RAD54L2: variants seen among roughly 807,000 people sequenced by gnomAD.
RAD54L2 encodes the protein helicase ARIP4.
Under a neutral mutation model 138.4 loss-of-function variants are expected in RAD54L2, and 27 were observed. The ratio of observed to expected loss-of-function variants is 0.20; its 90% CI spans 0.14 to 0.27. The LOEUF is 0.27. Ranked by LOEUF, RAD54L2 falls within the 10% of genes least tolerant of loss-of-function variation. The probability of loss-of-function intolerance (pLI) is 1.00; values close to 1 mark genes in which losing one functional copy is unlikely to be tolerated. For missense variants in RAD54L2, 1,396 were observed against 1,890.2 expected (o/e 0.74, Z 4.85); for synonymous variants, 644 against 723.2 (o/e 0.89, Z 1.76).
chr3:51,619,421 A>G (rs765412328), intron 3 of RAD54L2, among the ~76,000 whole-genome samples: 60 of 151,972 alleles, frequency 3.9e-4, no homozygotes, highest in Non-Finnish European at 5.1e-4. Flanking sequence ...TCTGGATTCA[A>G]TCTCTGTTTT....
At chr3:51,606,538 CTG>C (rs1431635944) in intron 3 of RAD54L2, among the ~76,000 whole-genome samples, 3 of 152,110 alleles carry the variant, frequency 2.0e-5, no homozygotes, top group African/African-American at 4.8e-5. Context: ...AGACTTTGTA[CTG>C]TGTTTTAGCA....
intron 2 of RAD54L2, among the ~76,000 whole-genome samples, chr3:51,557,422 A>G (rs938684330): frequency 5.3e-5 from 8 of 151,658 alleles, no homozygotes; most frequent in East Asian, 1.9e-4. Context: ...GGCTCAAGCT[A>G]TCCTCCTGCC....
At chr3:51,630,517 T>A (rs2106796681) in intron 6 of RAD54L2, 129 bp downstream of exon 6, 1 of 1,007,006 alleles carries the variant, frequency 9.9e-7, no homozygotes, top group African/African-American at 1.6e-5. Flanking sequence ...TCCCTGTGTC[T>A]CCTTGGTAAA....
At chr3:51,602,032 A>G (rs1700093320) in intron 3 of RAD54L2, among the ~76,000 whole-genome samples, 1 of 151,822 alleles carries the variant, frequency 6.6e-6, no homozygotes, top group African/African-American at 2.4e-5. Flanking sequence ...CGGTTTCACC[A>G]TGTTGGCCAG....
chr3:51,624,227 G>T, intron 3 of RAD54L2, among the ~76,000 whole-genome samples: 1 of 147,562 alleles, frequency 6.8e-6, no homozygotes, highest in African/African-American at 2.5e-5. Context: ...TTTCTGGTGT[G>T]TGTGGTTTTT....
Position 51,639,504 on chromosome 3 carries a change from G to A in RAD54L2, c.1946G>A (p.Gly649Asp), listed in dbSNP as rs1701071594. Residue 649 changes from glycine to aspartate, a missense_variant, in exon 13 of 23, where the codon GGC (glycine) becomes GAC (aspartate). By Grantham distance (94) the Gly-to-Asp change is moderately conservative. This residue lies in a region of RAD54L2 where 211 missense variants were observed against 273.8 expected (regional missense o/e 0.77). Coordinates refer to ENST00000684192, the MANE Select transcript of RAD54L2 (RefSeq NM_015106.4). ...CAGGACCTAGACGTGGAAGAACTTGGCTCTGCAGGGACCAGTGCCCGCTGT... is the reference window on the plus strand; with the variant it reads ...CAGGACCTAGACGTGGAAGAACTTGACTCTGCAGGGACCAGTGCCCGCTGT... Reference protein sequence around the residue: ...NEQDLDVEELGSAGTSARCPP... With the variant: ...NEQDLDVEELDSAGTSARCPP... The A allele has an allele frequency of 1.9e-6, 3 of 1,613,990 alleles. No homozygotes were observed. The highest frequency in any genetic ancestry group is 2.5e-6 in the Non-Finnish European group (3 of 1,179,892).
intron 2 of RAD54L2, among the ~76,000 whole-genome samples, chr3:51,573,192 G>T (rs1470738158): frequency 6.6e-6 from 1 of 152,094 alleles, no homozygotes; most frequent in Non-Finnish European, 1.5e-5. Context: ...CCTGCTTGTG[G>T]GGTGCCGTTT....
chr3:51,661,944 C>T (rs1368191586), intron 22 of RAD54L2, among the ~76,000 whole-genome samples: 3 of 152,260 alleles, frequency 2.0e-5, no homozygotes, highest in South Asian at 2.1e-4. Flanking sequence ...AAAAAGCTAA[C>T]GATTCCATAA....
chr3:51,573,359 A>C lies in RAD54L2; in HGVS notation c.-54-17008A>C, dbSNP rs1320591266. On this transcript the variant is annotated intron_variant, in intron 2 of 22. Coordinates refer to ENST00000684192, the MANE Select transcript of RAD54L2 (RefSeq NM_015106.4). Reference sequence around the variant, plus strand: ...TAATTAGCCTTTTTAACCCTAAGGCATTGTGTCTTAAAGGAAAGGAAGTTT... The same window carrying C: ...TAATTAGCCTTTTTAACCCTAAGGCCTTGTGTCTTAAAGGAAAGGAAGTTT... 2.6e-5 allele frequency among the ~76,000 whole-genome samples: 4 copies of C among 152,180 alleles called. No homozygotes were observed. In the East Asian group the frequency reaches 5.8e-4, roughly 22 times the overall value.
intron 2 of RAD54L2, among the ~76,000 whole-genome samples, chr3:51,549,777 C>CAAAA (rs5848927): frequency 1.1e-4 from 7 of 63,088 alleles, no homozygotes; most frequent in African/African-American, 2.6e-4. Context: ...GTCTCCATCT[C>CAAAA]AAAAAAAAAA....
At chr3:51,599,992 G>A (rs528801941) in intron 3 of RAD54L2, among the ~76,000 whole-genome samples, 43 of 151,712 alleles carry the variant, frequency 2.8e-4, no homozygotes, top group Middle Eastern at 3.4e-3. Flanking sequence ...GCAGTGGCGT[G>A]ATCTCGGATC....
At chr3:51,582,269 G>A (rs913730999) in intron 2 of RAD54L2, among the ~76,000 whole-genome samples, 1 of 152,146 alleles carries the variant, frequency 6.6e-6, no homozygotes, top group African/African-American at 2.4e-5. Context: ...TAGGTCAAAT[G>A]GTAACATCCT....
intron 3 of RAD54L2, among the ~76,000 whole-genome samples, chr3:51,599,756 A>G (rs1304005396): frequency 6.6e-6 from 1 of 151,520 alleles, no homozygotes; most frequent in African/African-American, 2.4e-5. Context: ...AAAAAAAAAA[A>G]AAAAAGGGCA....
At chr3:51,569,845 T>G (rs1369162324) in intron 2 of RAD54L2, among the ~76,000 whole-genome samples, 1 of 152,140 alleles carries the variant, frequency 6.6e-6, no homozygotes, top group East Asian at 1.9e-4. Flanking sequence ...TTGTTTTATT[T>G]TATTGTATTT....
In RAD54L2 at chr3:51,662,824, C is replaced by T. The variant is rs139053490; in HGVS notation, c.3808C>T (p.Arg1270Trp). The T allele has an allele frequency of 6.9e-5, 112 of 1,612,010 alleles. No homozygotes were observed. Among genetic ancestry groups the T allele is most frequent in the East Asian group, 2.2e-4 (10 of 44,800 alleles). The part of the protein sequence containing the change: ...TPPAAQESSR[R>W]RSRKGHLPAP... Reference sequence around the variant, plus strand: ...ACCTGCTGCCCAGGAGTCATCCCGCCGGCGGTCCAGGAAGGGTCATCTGCC... The same window carrying T: ...ACCTGCTGCCCAGGAGTCATCCCGCTGGCGGTCCAGGAAGGGTCATCTGCC... The change falls in exon 23 of 23, where the codon CGG becomes TGG. Residue 1270 changes from arginine (R) to tryptophan (W), a missense_variant. Arg to Trp is a moderately radical substitution (Grantham distance 101, BLOSUM62 -3). This residue lies in a region of RAD54L2 where 634 missense variants were observed against 711.2 expected (regional missense o/e 0.89). Transcript: ENST00000684192. The surrounding 1 kb of genome is among the most constrained non-coding windows in gnomAD (Gnocchi z 4.6).
At chr3:51,563,668 A>G (rs1233183322) in intron 2 of RAD54L2, among the ~76,000 whole-genome samples, 1 of 151,998 alleles carries the variant, frequency 6.6e-6, no homozygotes, top group East Asian at 1.9e-4. Flanking sequence ...TTGCTTTATC[A>G]TTTTGCTGAG....
chr3:51,604,729 C>A (rs1355585861), intron 3 of RAD54L2, among the ~76,000 whole-genome samples: 1 of 152,092 alleles, frequency 6.6e-6, no homozygotes, highest in African/African-American at 2.4e-5. Flanking sequence ...AGTGCTCCTG[C>A]AGGAGTGACT....
intron 3 of RAD54L2, among the ~76,000 whole-genome samples, chr3:51,599,552 TTTC>T (rs1559631280): frequency 6.6e-6 from 1 of 151,966 alleles, no homozygotes; most frequent in Non-Finnish European, 1.5e-5. Flanking sequence ...TAGCTTTTCT[TTTC>T]TTTTCTTTTT....
In RAD54L2 at chr3:51,665,200, A is replaced by G. The variant is rs1443538796; in HGVS notation, c.*1780A>G. 3.6e-5 allele frequency: 5 copies of G among 140,630 alleles called. No individual in the cohort carries two copies. The highest frequency in any genetic ancestry group is 1.1e-4 in the African/African-American group (4 of 37,570). 8.7% of individuals were successfully genotyped at this position (140,630 alleles called of 1,614,324 possible). A position where few individuals can be genotyped will look rare whatever the true frequency, so the allele number is the denominator to read the frequency against. ...CCCCCACCCCAACACTTTGCCAGAC[A>G]GTTCTTTATGATGAACAAACTTTGG... On this transcript the variant is annotated 3_prime_UTR_variant, in exon 23 of 23. Transcript: ENST00000684192.
Sources: allele counts gnomAD v4.1 joint callset (sites outside exome capture counted in the v4.1 genomes callset), GRCh38; gene constraint gnomAD v4.1.1; regional missense constraint gnomAD v4.1.1; non-coding constraint Gnocchi (gnomAD v3.1); transcripts MANE v1.5; gene names NCBI Gene and HGNC (gene_info 2026-07-23, HGNC 2026-07-21).